The following UBTD2 variants were observed in gnomAD, a reference collection of about 807,000 sequenced individuals.
UBTD2 encodes the protein ubiquitin domain-containing protein 2.
A neutral mutation model predicts 19.8 loss-of-function variants in UBTD2; 9 were observed. The observed-to-expected ratio is 0.46, with a 90% CI of 0.27 to 0.79. The LOEUF (loss-of-function observed/expected upper bound fraction) is 0.79, where lower values mean the gene tolerates loss of function less well. UBTD2 is among the 30% of genes least tolerant of loss of function. The pLI is 0.14. For missense variants in UBTD2, 250 were observed against 300.4 expected, an observed-to-expected ratio of 0.83 and a Z score of 1.24; for synonymous variants, 98 against 103.9, an observed-to-expected ratio of 0.94 and a Z score of 0.35.
At chr5:172,269,257 A>C (rs552630752) in intron 1 of UBTD2, among the ~76,000 whole-genome samples, 37 of 152,144 alleles carry the variant, frequency 2.4e-4, no homozygotes, top group South Asian at 8.3e-4. Flanking sequence ...CGGGAGGCCA[A>C]GGCAGGTGGA....
chr5:172,221,611 T>C (rs1439543081), intron 2 of UBTD2, among the ~76,000 whole-genome samples: 1 of 152,178 alleles, frequency 6.6e-6, no homozygotes, highest in Non-Finnish European at 1.5e-5. Context: ...AAGCTATATA[T>C]AATATGATTC....
intron 1 of UBTD2, among the ~76,000 whole-genome samples, chr5:172,243,840 G>T (rs1378394282): frequency 6.6e-6 from 1 of 151,520 alleles, no homozygotes; most frequent in Non-Finnish European, 1.5e-5. Flanking sequence ...TTTTTTTTTG[G>T]CGTTGTTTAA....
intron 1 of UBTD2, among the ~76,000 whole-genome samples, chr5:172,256,108 A>G (rs1367968672): frequency 6.6e-6 from 1 of 152,158 alleles, no homozygotes; most frequent in Non-Finnish European, 1.5e-5. Flanking sequence ...AAAGAGAGAA[A>G]AAAAAAGAAA....
At chr5:172,254,980 G>A in intron 1 of UBTD2, 1 of 565,824 alleles carries the variant, frequency 1.8e-6, no homozygotes, top group Non-Finnish European at 3.5e-6. Context: ...TAAAGGGGAT[G>A]GGCTGCACCA....
chr5:172,273,084 C>CAAAAA (rs35488668), intron 1 of UBTD2, among the ~76,000 whole-genome samples: 1 of 105,948 alleles, frequency 9.4e-6, no homozygotes, highest in Non-Finnish European at 1.9e-5. Context: ...CTCTCCGTCT[C>CAAAAA]AAAAAAAAAA....
chr5:172,281,541 C>T (rs1425292644), intron 1 of UBTD2, among the ~76,000 whole-genome samples: 1 of 152,160 alleles, frequency 6.6e-6, no homozygotes, highest in East Asian at 1.9e-4. Flanking sequence ...AAACCTAACT[C>T]ACTACCACAG....
intron 1 of UBTD2, among the ~76,000 whole-genome samples, chr5:172,273,923 ACTC>A (rs1025547989): frequency 1.3e-5 from 2 of 150,812 alleles, no homozygotes; most frequent in African/African-American, 4.9e-5. Flanking sequence ...CTACAACTCC[ACTC>A]CTCCTAGTAA....
chr5:172,217,660 A>AT (rs1771573081), intron 2 of UBTD2, among the ~76,000 whole-genome samples: 1 of 151,720 alleles, frequency 6.6e-6, no homozygotes, highest in Non-Finnish European at 1.5e-5. Context: ...TAATTTTTGT[A>AT]TTTTTTGGTA....
intron 1 of UBTD2, among the ~76,000 whole-genome samples, chr5:172,243,263 T>C (rs1772166808): frequency 6.6e-6 from 1 of 151,846 alleles, no homozygotes; most frequent in Admixed American, 6.6e-5. Context: ...CACTTACCAA[T>C]AGCTTATACA....
At chr5:172,217,007 ATCCAAC>A in intron 2 of UBTD2, among the ~76,000 whole-genome samples, 1 of 152,238 alleles carries the variant, frequency 6.6e-6, no homozygotes, top group South Asian at 2.1e-4. Context: ...AGAATTACAT[ATCCAAC>A]TCCAACTTCT....
At chr5:172,274,093 G>A (rs946676164) in intron 1 of UBTD2, among the ~76,000 whole-genome samples, 45 of 151,338 alleles carry the variant, frequency 3.0e-4, no homozygotes, top group Non-Finnish European at 2.9e-5. Context: ...GGGATACAAG[G>A]AGACTAAATC....
intron 2 of UBTD2, among the ~76,000 whole-genome samples, chr5:172,230,218 A>G (rs1771862448): frequency 6.6e-6 from 1 of 152,222 alleles, no homozygotes; most frequent in Admixed American, 6.5e-5. Context: ...CCCCATTGCC[A>G]CTTGAGAATA....
At chr5:172,263,563 G>A (rs1755314756) in intron 1 of UBTD2, among the ~76,000 whole-genome samples, 1 of 152,190 alleles carries the variant, frequency 6.6e-6, no homozygotes, top group Non-Finnish European at 1.5e-5. Context: ...GGGAGGTTGA[G>A]GCAGGCGGAT....
intron 1 of UBTD2, among the ~76,000 whole-genome samples, chr5:172,264,528 G>C (rs987333582): frequency 6.9e-6 from 1 of 145,130 alleles, no homozygotes; most frequent in Non-Finnish European, 1.5e-5. Flanking sequence ...GCAACAGAGC[G>C]AGATTCCGTC....
chr5:172,226,058 C>T (rs534435857), intron 2 of UBTD2, among the ~76,000 whole-genome samples: 1 of 151,364 alleles, frequency 6.6e-6, no homozygotes, highest in Non-Finnish European at 1.5e-5. Flanking sequence ...CTGCCTTAGC[C>T]TCCCAAAGTA....
At chr5:172,217,957 A>G (rs542701524) in intron 2 of UBTD2, among the ~76,000 whole-genome samples, 1 of 152,368 alleles carries the variant, frequency 6.6e-6, no homozygotes, top group African/African-American at 2.4e-5. Context: ...CAGAAATGAC[A>G]TACTTGAATG....
At chr5:172,274,184 G>C (rs1755561038) in intron 1 of UBTD2, among the ~76,000 whole-genome samples, 1 of 147,276 alleles carries the variant, frequency 6.8e-6, no homozygotes, top group African/African-American at 2.5e-5. Flanking sequence ...TGTGTCGCCA[G>C]GCTTGGAGTG....
intron 1 of UBTD2, among the ~76,000 whole-genome samples, chr5:172,242,228 T>C (rs1772145818): frequency 6.6e-6 from 1 of 152,238 alleles, no homozygotes; most frequent in South Asian, 2.1e-4. Context: ...CTTTTCTTTA[T>C]AAATTACCCA....
intron 1 of UBTD2, among the ~76,000 whole-genome samples, chr5:172,245,408 G>C (rs765916593): frequency 6.6e-6 from 1 of 152,128 alleles, no homozygotes; most frequent in Non-Finnish European, 1.5e-5. Flanking sequence ...CCTCTAACCT[G>C]TGCATGCATG....
Sources: allele counts gnomAD v4.1 joint callset (sites outside exome capture counted in the v4.1 genomes callset), GRCh38; gene constraint gnomAD v4.1.1; transcripts MANE v1.5; gene names NCBI Gene and HGNC (gene_info 2026-07-23, HGNC 2026-07-21).